The following MMD2 variants were observed in gnomAD, a reference collection of about 807,000 sequenced individuals.
The protein encoded by MMD2 is monocyte to macrophage differentiation associated 2, also known as monocyte to macrophage differentiation factor 2.
MMD2 carries 30 observed loss-of-function variants against 33.5 expected under a neutral mutation model. The ratio of observed to expected loss-of-function variants is 0.90; its 90% CI spans 0.67 to 1.22. The LOEUF (loss-of-function observed/expected upper bound fraction) is 1.22. Ranked by LOEUF, MMD2 falls within the 50% of genes most tolerant of loss-of-function variation. The pLI, the probability that MMD2 is intolerant of heterozygous loss-of-function variation, is 0.00. For synonymous variants in MMD2, 129 were observed against 123.0 expected (o/e 1.05, Z -0.32); for missense variants, 364 against 325.4 (o/e 1.12, Z -0.91).
At chr7:4,944,238 G>T (rs1057302632) in intron 1 of MMD2, among the ~76,000 whole-genome samples, 15 of 151,772 alleles carry the variant, frequency 9.9e-5, no homozygotes, top group African/African-American at 3.6e-4. Context: ...TCGAACCACC[G>T]CACTTCAGCC....
At chr7:4,954,784 T>C (rs1786340788) in intron 1 of MMD2, among the ~76,000 whole-genome samples, 1 of 152,206 alleles carries the variant, frequency 6.6e-6, no homozygotes, top group African/African-American at 2.4e-5. Flanking sequence ...TTTATGTGCC[T>C]TCAGAACCTT....
At chr7:4,938,308 C>T (rs189357442) in intron 1 of MMD2, among the ~76,000 whole-genome samples, 165 of 152,172 alleles carry the variant, frequency 1.1e-3, no homozygotes, top group African/African-American at 3.4e-3. Flanking sequence ...CACGCCCGGC[C>T]CAACAATTTA....
At chr7:4,944,960 G>A (rs1303102778) in intron 1 of MMD2, among the ~76,000 whole-genome samples, 1 of 149,694 alleles carries the variant, frequency 6.7e-6, no homozygotes, top group South Asian at 2.1e-4. Flanking sequence ...TAGCAGAGAC[G>A]GGGTTTCACC....
intron 3 of MMD2, among the ~76,000 whole-genome samples, chr7:4,919,465 G>A (rs1785219777): frequency 6.6e-6 from 1 of 151,972 alleles, no homozygotes; most frequent in Non-Finnish European, 1.5e-5. Context: ...AGTTCCTCAG[G>A]CGGCTGAGGC....
chr7:4,907,813 A>T (rs1334146149), intron 6 of MMD2, among the ~76,000 whole-genome samples: 2 of 151,698 alleles, frequency 1.3e-5, no homozygotes, highest in East Asian at 1.9e-4. Context: ...AACTTCACCA[A>T]TTTTTTTTCT....
intron 3 of MMD2, among the ~76,000 whole-genome samples, chr7:4,919,090 C>T (rs986506921): frequency 6.6e-6 from 1 of 151,392 alleles, no homozygotes; most frequent in Non-Finnish European, 1.5e-5. Context: ...CAGAGTGAGA[C>T]CCCATCTCAA....
In MMD2 at chr7:4,906,765, T is replaced by C. The variant is rs1008261346; in HGVS notation, c.*631A>G. On this transcript the variant is annotated 3_prime_UTR_variant, in exon 7 of 7. Coordinates refer to ENST00000401401, the MANE Select transcript of MMD2 (RefSeq NM_198403.4). ...TTCAGCTACTCTGGCCATTATCCCA[T>C]TTCAGAGCACACCAGACAGGAAGGG... 4 of 385,036 alleles carry C rather than the reference T, an allele frequency of 1.0e-5. No homozygotes were observed. Among genetic ancestry groups the C allele is most frequent in the African/African-American group, 8.3e-5 (4 of 48,392 alleles). The allele number at this position is 385,036 out of a possible 1,614,324, so 23.9% of individuals were successfully genotyped here.
chr7:4,936,305 A>C (rs1232373530), intron 1 of MMD2, among the ~76,000 whole-genome samples: 1 of 152,196 alleles, frequency 6.6e-6, no homozygotes, highest in Non-Finnish European at 1.5e-5. Context: ...TGATTTCATT[A>C]GTGTAAAACA....
chr7:4,938,199 CG>C (rs1263401561), intron 1 of MMD2, among the ~76,000 whole-genome samples: 15 of 151,342 alleles, frequency 9.9e-5, no homozygotes, highest in African/African-American at 3.6e-4. Context: ...TTAGTAGAGA[CG>C]GGGTTTTGCC....
rs1786464939 is a variant in MMD2 at position 4,958,966 on chromosome 7, C to T, written c.47+5G>A. The T allele has an allele frequency of 3.9e-6, 5 of 1,290,804 alleles. No individual in the cohort carries two copies. In the South Asian group the frequency reaches 1.3e-4, roughly 35 times the overall value. 80.0% of individuals were successfully genotyped at this position (1,290,804 alleles called of 1,614,324 possible). On this transcript the variant is annotated splice_donor_5th_base_variant and intron_variant, in intron 1 of 6. Coordinates refer to ENST00000401401, the MANE Select transcript of MMD2 (RefSeq NM_198403.4). ...TCCCCGCGGACCTCCGCGGCCGCCG[C>T]TCACCTCGCGTATTTCGTCTTCTGG...
chr7:4,927,024 G>A (rs1223029057), intron 1 of MMD2, among the ~76,000 whole-genome samples: 2 of 151,850 alleles, frequency 1.3e-5, no homozygotes, highest in South Asian at 2.1e-4. Context: ...ATTTACAGGC[G>A]TGAGCCACCG....
Position 4,910,287 on chromosome 7 carries a change from T to C in MMD2, c.468-337A>G, listed in dbSNP as rs115629547. 1.6e-3 allele frequency among the ~76,000 whole-genome samples: 248 copies of C among 152,258 alleles called. 1 individual carries two copies. The highest frequency in any genetic ancestry group is 5.8e-3 in the African/African-American group (241 of 41,562). ...CATGGTAGACATCACTATTCGATCC[T>C]AGCATCTCTTCCCACAAGGCCCAAG... On this transcript the variant is annotated intron_variant, in intron 5 of 6. Transcript: ENST00000401401.
At chr7:4,913,220 G>T (rs1287624698) in intron 4 of MMD2, among the ~76,000 whole-genome samples, 2 of 152,142 alleles carry the variant, frequency 1.3e-5, no homozygotes, top group African/African-American at 4.8e-5. Context: ...AGAAGGATAG[G>T]ACGGGATGAA....
At chr7:4,932,286 C>T (rs1352725761) in intron 1 of MMD2, among the ~76,000 whole-genome samples, 1 of 152,196 alleles carries the variant, frequency 6.6e-6, no homozygotes, top group Non-Finnish European at 1.5e-5. Context: ...GACCAAGAAA[C>T]AGTGTTCCCA....
chr7:4,896,245 T>C, the MMD2 span, among the ~76,000 whole-genome samples: 101,368 of 151,952 alleles, frequency 0.67, 35,006 homozygotes, highest in African/African-American at 0.83. Context: ...TTTGGGAGGC[T>C]GAGGCGGGTG....
At chr7:4,911,936 C>G (rs907057509) in intron 4 of MMD2, among the ~76,000 whole-genome samples, 22 of 151,874 alleles carry the variant, frequency 1.4e-4, no homozygotes, top group East Asian at 9.7e-4. Context: ...CCTGAGCCAC[C>G]GCGCCCGGCC....
the MMD2 span, among the ~76,000 whole-genome samples, chr7:4,898,609 C>G: frequency 6.6e-6 from 1 of 151,892 alleles, no homozygotes; most frequent in Non-Finnish European, 1.5e-5. Flanking sequence ...AGAAATGAGG[C>G]GTTTGGGCAG....
At chr7:4,933,563 T>C (rs970451250) in intron 1 of MMD2, among the ~76,000 whole-genome samples, 1 of 152,082 alleles carries the variant, frequency 6.6e-6, no homozygotes, top group African/African-American at 2.4e-5. Flanking sequence ...CGTCCCTTCC[T>C]TTTTATTGCT....
Position 4,940,771 on chromosome 7 carries a change from GCA to G in MMD2, c.48-15241_48-15240del, listed in dbSNP as rs1176602887. Among the ~76,000 whole-genome samples, 1 of 152,162 alleles carries G rather than the reference GCA, an allele frequency of 6.6e-6. No individual in the cohort carries two copies. Among genetic ancestry groups the G allele is most frequent in the Non-Finnish European group, 1.5e-5 (1 of 68,010 alleles). On this transcript the variant is annotated intron_variant, in intron 1 of 6. Transcript: ENST00000401401. The surrounding 1 kb of genome is among the most constrained non-coding windows in gnomAD (Gnocchi z 5.0). ...CAAGGGGTGGAAGGGGCCCGGGCTT[GCA>G]TCTCGTGCCAGAGGCGCGGGACTCT...
Sources: allele counts gnomAD v4.1 joint callset (sites outside exome capture counted in the v4.1 genomes callset), GRCh38; gene constraint gnomAD v4.1.1; non-coding constraint Gnocchi (gnomAD v3.1); transcripts MANE v1.5; gene names NCBI Gene and HGNC (gene_info 2026-07-23, HGNC 2026-07-21).